The following KCNN3 variants were observed in gnomAD, a reference collection of about 807,000 sequenced individuals.
KCNN3 encodes potassium calcium-activated channel subfamily N member 3.
In KCNN3, 16 loss-of-function variants were observed where a neutral mutation model predicts 62.9. That is an observed-to-expected ratio of 0.25 (90% CI 0.17 to 0.39). The LOEUF (loss-of-function observed/expected upper bound fraction) is 0.39. KCNN3 is among the 10% of genes least tolerant of loss of function. The pLI is 1.00. For synonymous variants in KCNN3, 370 were observed against 389.2 expected, an observed-to-expected ratio of 0.95 and a Z score of 0.58; for missense variants, 599 against 949.4, an observed-to-expected ratio of 0.63 and a Z score of 4.85.
chr1:154,715,543 CT>C (rs1700216074), intron 5 of KCNN3, among the ~76,000 whole-genome samples: 2 of 146,340 alleles, frequency 1.4e-5, no homozygotes, highest in African/African-American at 5.4e-5. Flanking sequence ...TTCTTTCTTT[CT>C]TTCTCTTTCT....
At position 154,701,259 on chromosome 1, in the gene KCNN3, T is replaced by C. The variant is rs1161153542; in HGVS notation, c.*6717A>G. The C allele has an allele frequency of 6.6e-6, 1 of 152,214 alleles. No individual in the cohort carries two copies. The highest frequency in any genetic ancestry group is 2.4e-5 in the African/African-American group (1 of 41,452). 9.4% of individuals were successfully genotyped at this position (152,214 alleles called of 1,614,324 possible). Reference sequence around the variant, plus strand: ...TTGTTTTGCACTATCTGTAAATCTATGTGAATTTTCAGGGCTTGGGAAGGG... The same window carrying C: ...TTGTTTTGCACTATCTGTAAATCTACGTGAATTTTCAGGGCTTGGGAAGGG... On this transcript the variant is annotated 3_prime_UTR_variant, in exon 8 of 8. Coordinates refer to ENST00000271915, the MANE Select transcript of KCNN3 (RefSeq NM_002249.6).
At chr1:154,757,039 A>G (rs564836922) in intron 3 of KCNN3, among the ~76,000 whole-genome samples, 2 of 152,274 alleles carry the variant, frequency 1.3e-5, no homozygotes, top group South Asian at 2.1e-4. Context: ...GAGTGCCTGC[A>G]TTCTCCGGGA....
intron 1 of KCNN3, among the ~76,000 whole-genome samples, chr1:154,855,218 A>AAAT (rs1652472743): frequency 6.7e-6 from 1 of 149,262 alleles, no homozygotes; most frequent in Non-Finnish European, 1.5e-5. Flanking sequence ...ACTCTGTCTC[A>AAAT]AAATAAATAA....
At chr1:154,775,572 A>G (rs1876303) in intron 2 of KCNN3, among the ~76,000 whole-genome samples, 6 of 111,736 alleles carry the variant, frequency 5.4e-5, no homozygotes, top group Non-Finnish European at 9.2e-5. Context: ...CCAGCCCCCC[A>G]CCCACCCACC....
intron 7 of KCNN3, among the ~76,000 whole-genome samples, chr1:154,712,752 C>T (rs928955834): frequency 1.1e-4 from 16 of 152,230 alleles, no homozygotes; most frequent in African/African-American, 3.9e-4. Flanking sequence ...CACCGACTCT[C>T]AGCTCTGCCA....
chr1:154,742,743 C>T (rs1323197954), intron 3 of KCNN3, among the ~76,000 whole-genome samples: 2 of 152,182 alleles, frequency 1.3e-5, no homozygotes, highest in Admixed American at 6.5e-5. Context: ...CTGCCTGCCT[C>T]GCGAGGCCGC....
At chr1:154,767,404 C>T (rs1460719550) in intron 3 of KCNN3, among the ~76,000 whole-genome samples, 2 of 152,154 alleles carry the variant, frequency 1.3e-5, no homozygotes, top group Non-Finnish European at 2.9e-5. Context: ...GAAGGGAATC[C>T]ACTCAAGAGG....
intron 2 of KCNN3, among the ~76,000 whole-genome samples, chr1:154,818,888 C>T (rs1429583183): frequency 1.3e-5 from 2 of 152,216 alleles, no homozygotes; most frequent in Non-Finnish European, 2.9e-5. Flanking sequence ...CACATGTGTG[C>T]TGGGCAGGGC....
Position 154,802,998 on chromosome 1 carries a change from A to G in KCNN3, c.1029+19091T>C, listed in dbSNP as rs577751855. On this transcript the variant is annotated intron_variant, in intron 2 of 7. Coordinates refer to ENST00000271915, the MANE Select transcript of KCNN3 (RefSeq NM_002249.6). Reference sequence around the variant, plus strand: ...TTCACGCCGTGCATGACACCTTCCCACTCTGGCCTCTCTCATAGCTCACTG... The same window carrying G: ...TTCACGCCGTGCATGACACCTTCCCGCTCTGGCCTCTCTCATAGCTCACTG... Among the ~76,000 whole-genome samples the G allele has an allele frequency of 5.3e-5, 8 of 151,540 alleles. No homozygotes were observed. The South Asian group carries it at 1.7e-3, about 32-fold the overall frequency.
chr1:154,780,200 T>C lies in KCNN3; in HGVS notation c.1030-7807A>G, dbSNP rs1027189381. Among the ~76,000 whole-genome samples the C allele has an allele frequency of 7.8e-3, 484 of 62,422 alleles. 3 individuals carry two copies. The highest frequency in any genetic ancestry group is 0.022 in the African/African-American group (464 of 20,982). 41.0% of individuals were successfully genotyped at this position (62,422 alleles called of 152,430 possible). A position where few individuals can be genotyped will look rare whatever the true frequency, so the allele number is the denominator to read the frequency against. The stretch of plus-strand genomic sequence containing the variant: ...TTGCCTTTTTTCTTTTTTTCTTTTT[T>C]TTTTTTTTTTTTTTTTTTTAGGATA... On this transcript the variant is annotated intron_variant, in intron 2 of 7. Transcript: ENST00000271915.
In KCNN3 at chr1:154,700,392, C is replaced by T. The variant is rs1699828216; in HGVS notation, c.*7584G>A. 1 of 152,180 alleles carries T rather than the reference C, an allele frequency of 6.6e-6. No homozygotes were observed. The highest frequency in any genetic ancestry group is 1.5e-5 in the Non-Finnish European group (1 of 68,048). 9.4% of individuals were successfully genotyped at this position (152,180 alleles called of 1,614,324 possible). A position where few individuals can be genotyped will look rare whatever the true frequency, so the allele number is the denominator to read the frequency against. On this transcript the variant is annotated 3_prime_UTR_variant, in exon 8 of 8. Coordinates refer to ENST00000271915, the MANE Select transcript of KCNN3 (RefSeq NM_002249.6). The stretch of plus-strand genomic sequence containing the variant: ...TTACTGTCAAGAGGTCTGCTTTCCC[C>T]AAATGATGAATTTGCATTTGTTTCC...
At chr1:154,719,023 T>A (rs61811433) in intron 5 of KCNN3, among the ~76,000 whole-genome samples, 1 of 152,118 alleles carries the variant, frequency 6.6e-6, no homozygotes, top group Non-Finnish European at 1.5e-5. Flanking sequence ...TCTGGCCACC[T>A]CTCTGCCCAG....
intron 2 of KCNN3, among the ~76,000 whole-genome samples, chr1:154,794,971 G>A (rs574159391): frequency 1.3e-5 from 2 of 152,312 alleles, no homozygotes; most frequent in East Asian, 1.9e-4. Context: ...GTGTAATAAG[G>A]GGGGCTATTT....
chr1:154,853,268 C>T (rs915451381), intron 1 of KCNN3, among the ~76,000 whole-genome samples: 1 of 152,086 alleles, frequency 6.6e-6, no homozygotes, highest in Non-Finnish European at 1.5e-5. Context: ...GGATAATAGG[C>T]GTGAGCTACC....
chr1:154,814,335 C>A (rs557921839), intron 2 of KCNN3, among the ~76,000 whole-genome samples: 1 of 152,376 alleles, frequency 6.6e-6, no homozygotes, highest in Non-Finnish European at 1.5e-5. Flanking sequence ...CACTCTCATG[C>A]CTTTGGGGGT....
At chr1:154,819,975 T>C (rs1242078784) in intron 2 of KCNN3, among the ~76,000 whole-genome samples, 2 of 152,222 alleles carry the variant, frequency 1.3e-5, no homozygotes, top group Admixed American at 6.5e-5. Flanking sequence ...ATACTTCAGA[T>C]GGGGAAACTG....
intron 4 of KCNN3, among the ~76,000 whole-genome samples, chr1:154,731,097 A>T (rs1700583705): frequency 6.6e-6 from 1 of 152,192 alleles, no homozygotes; most frequent in African/African-American, 2.4e-5. Context: ...GGCAGGGCCC[A>T]TCCACCTACT....
At chr1:154,825,791 G>A (rs961822834) in intron 1 of KCNN3, among the ~76,000 whole-genome samples, 7 of 151,350 alleles carry the variant, frequency 4.6e-5, no homozygotes, top group African/African-American at 1.2e-4. Flanking sequence ...GCACACGGCC[G>A]TAATCCCAGC....
At chr1:154,739,708 G>A (rs1332811444) in intron 3 of KCNN3, among the ~76,000 whole-genome samples, 1 of 152,224 alleles carries the variant, frequency 6.6e-6, no homozygotes, top group Non-Finnish European at 1.5e-5. Flanking sequence ...GTTAGGTTAT[G>A]GTAAGATCAT....
Sources: allele counts gnomAD v4.1 joint callset (sites outside exome capture counted in the v4.1 genomes callset), GRCh38; gene constraint gnomAD v4.1.1; transcripts MANE v1.5; gene names NCBI Gene and HGNC (gene_info 2026-07-23, HGNC 2026-07-21).